Variants in SCEL observed in about 807,000 individuals in gnomAD.
The protein encoded by SCEL is sciellin.
A neutral mutation model predicts 117.6 loss-of-function variants in SCEL; 113 were observed. That is an observed-to-expected ratio of 0.96 (90% confidence interval 0.83 to 1.12). SCEL has a LOEUF of 1.12. Ranked by LOEUF, SCEL falls within the 50% of genes most tolerant of loss-of-function variation. The pLI, the probability that SCEL is intolerant of heterozygous loss-of-function variation, is 0.00. For synonymous variants in SCEL, 270 were observed against 256.2 expected, an observed-to-expected ratio of 1.05 and a Z score of -0.51; for missense variants, 785 against 810.8, an observed-to-expected ratio of 0.97 and a Z score of 0.39.
intron 11 of SCEL, among the ~76,000 whole-genome samples, chr13:77,593,295 T>TGTGTGCGCGCGCGC (rs796907419): frequency 0.02 from 2,731 of 136,804 alleles, 48 homozygotes; most frequent in Non-Finnish European, 0.031. Flanking sequence ...TGTGTGTGTG[T>TGTGTGCGCGCGCGC]GTCTGTGTGT....
Position 77,593,643 on chromosome 13 carries a change from T to G in SCEL, c.752+70T>G, listed in dbSNP as rs533505442. On this transcript the variant is annotated intron_variant, in intron 12 of 32. Transcript: ENST00000349847. The stretch of plus-strand genomic sequence containing the variant: ...GTTTCAAAAATGCTTAACCACACCT[T>G]TAAAAGTTCCAAATATGAACAAAAT... 8 of 1,114,516 alleles carry G rather than the reference T, an allele frequency of 7.2e-6. No individual in the cohort carries two copies. The East Asian group carries it at 1.2e-4, about 17-fold the overall frequency. 69.0% of individuals were successfully genotyped at this position (1,114,516 alleles called of 1,614,324 possible). A position where few individuals can be genotyped will look rare whatever the true frequency, so the allele number is the denominator to read the frequency against.
intron 15 of SCEL, chr13:77,600,011 C>T: frequency 2.4e-6 from 1 of 414,310 alleles, no homozygotes; most frequent in Non-Finnish European, 4.3e-6. Flanking sequence ...CTCCCAGTTC[C>T]CCTTCATATC....
intron 1 of SCEL, among the ~76,000 whole-genome samples, chr13:77,542,893 C>T (rs1182860506): frequency 6.6e-6 from 1 of 152,022 alleles, no homozygotes; most frequent in South Asian, 2.1e-4. Flanking sequence ...TGTCCTTTTC[C>T]AGTTCCTAGG....
intron 1 of SCEL, among the ~76,000 whole-genome samples, chr13:77,540,365 T>A (rs519196): frequency 1.3e-5 from 2 of 152,026 alleles, no homozygotes; most frequent in Non-Finnish European, 2.9e-5. Flanking sequence ...GTGTGTATAC[T>A]TGTGGGTTGG....
chr13:77,624,176 C>T (rs1193335197), intron 27 of SCEL, among the ~76,000 whole-genome samples: 2 of 147,774 alleles, frequency 1.4e-5, no homozygotes, highest in Non-Finnish European at 3.0e-5. Flanking sequence ...GGGATCTCGA[C>T]TGACTGCAGC....
At chr13:77,643,424 T>G (rs2090654435) in intron 32 of SCEL, among the ~76,000 whole-genome samples, 2 of 152,152 alleles carry the variant, frequency 1.3e-5, no homozygotes, top group Non-Finnish European at 2.9e-5. Context: ...GATGTGCACA[T>G]TGTATGGTAA....
intron 28 of SCEL, among the ~76,000 whole-genome samples, chr13:77,631,158 G>C (rs1251271354): frequency 6.6e-6 from 1 of 152,168 alleles, no homozygotes; most frequent in African/African-American, 2.4e-5. Flanking sequence ...CCCCAAACCA[G>C]TTAAATTAGA....
rs964550227 is a variant in SCEL at position 77,543,516 on chromosome 13, G to A, written c.-20+7692G>A. On this transcript the variant is annotated intron_variant, in intron 1 of 32. Coordinates refer to ENST00000349847, the MANE Select transcript of SCEL (RefSeq NM_144777.3). ...GATAAATTGATTGAAAGATTTTGGG[G>A]TAGTTAAAATATCCAAATGTCACTC... Among the ~76,000 whole-genome samples the A allele has an allele frequency of 2.0e-5, 3 of 152,120 alleles. No homozygotes were observed. The South Asian group carries it at 6.2e-4, about 32-fold the overall frequency.
At chr13:77,570,475 T>G (rs530564185) in intron 8 of SCEL, among the ~76,000 whole-genome samples, 22 of 152,232 alleles carry the variant, frequency 1.4e-4, no homozygotes, top group Non-Finnish European at 3.2e-4. Context: ...ATTCTCACTA[T>G]TTTGGGACAC....
intron 1 of SCEL, among the ~76,000 whole-genome samples, chr13:77,554,678 G>A (rs1361267871): frequency 2.0e-5 from 3 of 152,116 alleles, no homozygotes; most frequent in Non-Finnish European, 2.9e-5. Context: ...TTTGATCATC[G>A]CAGCAACTTA....
intron 9 of SCEL, among the ~76,000 whole-genome samples, chr13:77,588,200 ATGTT>A (rs962558550): frequency 6.6e-6 from 1 of 152,198 alleles, no homozygotes; most frequent in African/African-American, 2.4e-5. Context: ...CTACCAATAA[ATGTT>A]TGTTGAGTAA....
chr13:77,563,417 C>T (rs1448611368), intron 4 of SCEL, among the ~76,000 whole-genome samples: 1 of 152,136 alleles, frequency 6.6e-6, no homozygotes, highest in Non-Finnish European at 1.5e-5. Context: ...GTTTATGGCA[C>T]TGCTAAAACT....
chr13:77,606,876 G>A (rs1275470428), intron 19 of SCEL, among the ~76,000 whole-genome samples: 2 of 152,044 alleles, frequency 1.3e-5, no homozygotes, highest in Non-Finnish European at 2.9e-5. Flanking sequence ...TCCCTATGTG[G>A]CATCCTCTGT....
rs796907419 is a variant in SCEL, at chr13:77,593,295, T to TGTGTGTGTGTGCGCGC, written c.693-217_693-216insGTGTGTGTGCGCGCGT. On this transcript the variant is annotated intron_variant, in intron 11 of 32. Transcript: ENST00000349847. ...GTGTGTGTGTGTGTGTGTGTGTGTG[T>TGTGTGTGTGTGCGCGC]GTCTGTGTGTGTGTGTGTGTGTGTC... Among the ~76,000 whole-genome samples, 396 of 136,872 alleles carry TGTGTGTGTGTGCGCGC rather than the reference T, an allele frequency of 2.9e-3. 5 individuals are homozygous for TGTGTGTGTGTGCGCGC. Among genetic ancestry groups the TGTGTGTGTGTGCGCGC allele is most frequent in the South Asian group, 9.8e-3 (41 of 4,172 alleles). The allele number at this position is 136,872 out of a possible 152,430, so 89.8% of individuals were successfully genotyped here.
intron 30 of SCEL, among the ~76,000 whole-genome samples, chr13:77,638,277 A>G (rs2090399320): frequency 6.6e-6 from 1 of 152,176 alleles, no homozygotes; most frequent in African/African-American, 2.4e-5. Flanking sequence ...GCCCATTAGC[A>G]ATGCTTTGCT....
chr13:77,593,295 T>TGTGTGCGCGCACGC (rs796907419), intron 11 of SCEL, among the ~76,000 whole-genome samples: 1 of 136,784 alleles, frequency 7.3e-6, no homozygotes, highest in Non-Finnish European at 1.6e-5. Flanking sequence ...TGTGTGTGTG[T>TGTGTGCGCGCACGC]GTCTGTGTGT....
chr13:77,606,372 CT>C (rs2088189982), intron 19 of SCEL: 2 of 152,138 alleles, frequency 1.3e-5, no homozygotes, highest in African/African-American at 2.4e-5. Context: ...TTTAAATAAC[CT>C]TATTTTATTA....
chr13:77,538,298 G>C (rs543635477), intron 1 of SCEL, among the ~76,000 whole-genome samples: 39 of 152,040 alleles, frequency 2.6e-4, no homozygotes, highest in African/African-American at 8.4e-4. Flanking sequence ...TCTATTTTTA[G>C]TATAGACGGG....
At chr13:77,622,840 A>C (rs907162368) in intron 27 of SCEL, among the ~76,000 whole-genome samples, 1 of 152,138 alleles carries the variant, frequency 6.6e-6, no homozygotes, top group African/African-American at 2.4e-5. Context: ...CGAGCCTGGG[A>C]GACAGAGCTA....
Sources: gnomAD v4.1 joint callset for allele counts (sites outside exome capture counted in the v4.1 genomes callset) on GRCh38, gnomAD v4.1.1 for gene constraint, MANE v1.5 for transcripts, NCBI Gene and HGNC (gene_info 2026-07-23, HGNC 2026-07-21) for gene names.